Variants in CSNK1G1 observed in about 807,000 individuals in gnomAD.
CSNK1G1 encodes the protein casein kinase I isoform gamma-1.
CSNK1G1 carries 22 observed loss-of-function variants against 59.6 expected under a neutral mutation model. The ratio of observed to expected loss-of-function variants is 0.37; its 90% CI spans 0.26 to 0.53. The LOEUF is 0.53. Ranked by LOEUF, CSNK1G1 falls within the 20% of genes least tolerant of loss-of-function variation. The pLI, the probability that CSNK1G1 is intolerant of heterozygous loss-of-function variation, is 0.89. For missense variants in CSNK1G1, 384 were observed against 519.5 expected, an observed-to-expected ratio of 0.74 and a Z score of 2.54; for synonymous variants, 179 against 177.1, an observed-to-expected ratio of 1.01 and a Z score of -0.08.
At chr15:64,265,123 C>G (rs1892909383) in intron 2 of CSNK1G1, among the ~76,000 whole-genome samples, 1 of 152,114 alleles carries the variant, frequency 6.6e-6, no homozygotes, top group Non-Finnish European at 1.5e-5. Context: ...ATCCCAAAGA[C>G]TCCACCAAAA....
rs569361371 is a variant in CSNK1G1, at chr15:64,196,796, T to G, written c.1107+6286A>C. ...CTGCAAAAGACTGCTCTGTGTGTGT[T>G]TTTTTTTTTTAAACACCCCTCCCCT... is the stretch of plus-strand genomic sequence containing the variant. On this transcript the variant is annotated intron_variant, in intron 10 of 11. Coordinates refer to ENST00000303052, the MANE Select transcript of CSNK1G1 (RefSeq NM_022048.5). Among the ~76,000 whole-genome samples the G allele has an allele frequency of 2.7e-3, 361 of 134,010 alleles. 2 individuals are homozygous for G. The highest frequency in any genetic ancestry group is 0.012 in the African/African-American group (328 of 27,534). The allele number at this position is 134,010 out of a possible 152,430, so 87.9% of individuals were successfully genotyped here. A position where few individuals can be genotyped will look rare whatever the true frequency, so the allele number is the denominator to read the frequency against.
intron 10 of CSNK1G1, among the ~76,000 whole-genome samples, chr15:64,186,354 G>C (rs1306976746): frequency 6.6e-6 from 1 of 152,088 alleles, no homozygotes; most frequent in African/African-American, 2.4e-5. Flanking sequence ...CTTGTGATCT[G>C]CTCACCTCGG....
At position 64,216,587 on chromosome 15, in the gene CSNK1G1, G is replaced by A. The variant is rs2082314884; in HGVS notation, c.419C>T (p.Thr140Met). The A allele has an allele frequency of 4.3e-6, 7 of 1,613,834 alleles. No homozygotes were observed. The highest frequency in any genetic ancestry group is 5.9e-6 in the Non-Finnish European group (7 of 1,179,826). Reference protein sequence around the residue: ...DLCDRTFTLKTVLMIAIQLLS... With the variant: ...DLCDRTFTLKMVLMIAIQLLS... The stretch of plus-strand genomic sequence containing the variant: ...CAGCTGGATGGCTATCATTAACACC[G>A]TCTTCAAAGTAAATGTTCGGTCACA... Residue 140 changes from threonine to methionine, a missense_variant, in exon 5 of 12, where the codon ACG (threonine) becomes ATG (methionine). Thr to Met is a moderately conservative substitution (Grantham distance 81). Transcript: ENST00000303052. This position sits in a 1 kb window ranked among gnomAD's most constrained non-coding sequence, Gnocchi z 4.6.
chr15:64,210,925 G>C lies in CSNK1G1; in HGVS notation c.679+2965C>G, dbSNP rs1016493872. 2.0e-5 allele frequency among the ~76,000 whole-genome samples: 3 copies of C among 152,158 alleles called. No homozygotes were observed. Among genetic ancestry groups the C allele is most frequent in the Admixed American group, 6.6e-5 (1 of 15,264 alleles). ...CCAAGAAAGCAGGTTGGTGAGAAGA[G>C]CCTAGCACCCCCCTTCCCATGTGAT... On this transcript the variant is annotated intron_variant, in intron 6 of 11. Coordinates refer to ENST00000303052, the MANE Select transcript of CSNK1G1 (RefSeq NM_022048.5). This position sits in a 1 kb window ranked among gnomAD's most constrained non-coding sequence, Gnocchi z 4.2.
chr15:64,309,309 AACACACACACAC>A lies in CSNK1G1; in HGVS notation c.-224-8598_-224-8587del, dbSNP rs66467610. ...AAGTTCTCAAATACTTAGTGAATAA[AACACACACACAC>A]ACACACACACACACACACACACACA... is the stretch of plus-strand genomic sequence containing the variant. On this transcript the variant is annotated intron_variant, in intron 1 of 11. Transcript: ENST00000303052. Among the ~76,000 whole-genome samples, 1,170 of 145,874 alleles carry A rather than the reference AACACACACACAC, an allele frequency of 8.0e-3. 6 individuals carry two copies. Among genetic ancestry groups the A allele is most frequent in the Middle Eastern group, 0.018 (5 of 284 alleles).
chr15:64,185,294 G>C (rs961228356), intron 10 of CSNK1G1, among the ~76,000 whole-genome samples: 3 of 152,144 alleles, frequency 2.0e-5, no homozygotes, highest in African/African-American at 7.2e-5. Context: ...ATTACCTCTG[G>C]CAAGTGAGAC....
chr15:64,277,285 T>G (rs909814267), intron 2 of CSNK1G1, among the ~76,000 whole-genome samples: 1 of 151,736 alleles, frequency 6.6e-6, no homozygotes, highest in African/African-American at 2.4e-5. Context: ...GGCAACAAAG[T>G]GAGACTCTGC....
chr15:64,352,783 G>T (rs1196133493), intron 1 of CSNK1G1, among the ~76,000 whole-genome samples: 1 of 151,590 alleles, frequency 6.6e-6, no homozygotes, highest in Non-Finnish European at 1.5e-5. Flanking sequence ...ACATGGGGAA[G>T]AAATATATTT....
chr15:64,204,612 C>T lies in CSNK1G1; in HGVS notation c.851-23G>A, dbSNP rs541878493. 3 of 1,609,028 alleles carry T rather than the reference C, an allele frequency of 1.9e-6. No homozygotes were observed. The South Asian group carries it at 3.3e-5, about 18-fold the overall frequency. On this transcript the variant is annotated intron_variant, in intron 8 of 11. Transcript: ENST00000303052. ...CCTCTGTTAGGAAAGAGATGAAAGG[C>T]CCTGCTCATTAGCTGAATGCTTTCC...
At chr15:64,351,685 C>T (rs1036971083) in intron 1 of CSNK1G1, among the ~76,000 whole-genome samples, 2 of 152,138 alleles carry the variant, frequency 1.3e-5, no homozygotes, top group Non-Finnish European at 2.9e-5. Context: ...TCAAGACCAG[C>T]GTGGCCAACA....
intron 2 of CSNK1G1, among the ~76,000 whole-genome samples, chr15:64,272,369 C>CTAT (rs1893361851): frequency 6.6e-6 from 1 of 152,150 alleles, no homozygotes; most frequent in Admixed American, 6.6e-5. Flanking sequence ...GCGTCTGCCA[C>CTAT]TATGCCTGGC....
intron 1 of CSNK1G1, among the ~76,000 whole-genome samples, chr15:64,325,732 T>A (rs1896803266): frequency 1.3e-5 from 2 of 152,218 alleles, no homozygotes; most frequent in Non-Finnish European, 2.9e-5. Flanking sequence ...GACACTTCAC[T>A]TGGACTATCT....
At chr15:64,267,606 T>C (rs930118813) in intron 2 of CSNK1G1, among the ~76,000 whole-genome samples, 2 of 151,968 alleles carry the variant, frequency 1.3e-5, no homozygotes, top group African/African-American at 4.8e-5. Context: ...GAAACCACAA[T>C]GAGAAACCAC....
At chr15:64,353,953 T>C (rs1039641167) in intron 1 of CSNK1G1, among the ~76,000 whole-genome samples, 8 of 152,324 alleles carry the variant, frequency 5.3e-5, no homozygotes, top group Middle Eastern at 3.4e-3. Context: ...TAAGTTTTTC[T>C]AGTAGCATAA....
chr15:64,172,069 G>A, intron 11 of CSNK1G1, 84 bp from the exon 12 acceptor site: 1 of 1,327,036 alleles, frequency 7.5e-7, no homozygotes, highest in Non-Finnish European at 1.1e-6. Context: ...TACTGCAGGG[G>A]TGGAATTTTC....
At chr15:64,217,296 AAC>A (rs1225926597) in intron 4 of CSNK1G1, among the ~76,000 whole-genome samples, 1 of 152,200 alleles carries the variant, frequency 6.6e-6, no homozygotes, top group Non-Finnish European at 1.5e-5. Context: ...GAGAAAAGTC[AAC>A]AGACACTTAG....
At chr15:64,292,591 G>A (rs771384724) in intron 2 of CSNK1G1, among the ~76,000 whole-genome samples, 59 of 152,124 alleles carry the variant, frequency 3.9e-4, no homozygotes, top group Non-Finnish European at 7.6e-4. Flanking sequence ...AGTCTAACAG[G>A]TCTCCCATAA....
chr15:64,179,200 C>T (rs1213535617), intron 11 of CSNK1G1, among the ~76,000 whole-genome samples: 1 of 141,044 alleles, frequency 7.1e-6, no homozygotes, highest in African/African-American at 2.7e-5. Flanking sequence ...TAGCCATGAT[C>T]GTGCCACTGC....
In CSNK1G1 at chr15:64,165,952, C is replaced by G; in HGVS notation, c.*5979G>C. ...CAGAGAAGATTTTCCTAATGGTGCACAAATATCTCTCCTGGAGGAACCATT... is the reference window on the plus strand; with the variant it reads ...CAGAGAAGATTTTCCTAATGGTGCAGAAATATCTCTCCTGGAGGAACCATT... On this transcript the variant is annotated 3_prime_UTR_variant, in exon 12 of 12. Coordinates refer to ENST00000303052, the MANE Select transcript of CSNK1G1 (RefSeq NM_022048.5). The G allele has an allele frequency of 6.4e-6, 4 of 627,770 alleles. No individual in the cohort carries two copies. The African/African-American group carries it at 7.5e-5, about 12-fold the overall frequency. The allele number at this position is 627,770 out of a possible 1,614,324, so 38.9% of individuals were successfully genotyped here.
Sources: allele counts gnomAD v4.1 joint callset (sites outside exome capture counted in the v4.1 genomes callset), GRCh38; gene constraint gnomAD v4.1.1; non-coding constraint Gnocchi (gnomAD v3.1); transcripts MANE v1.5; gene names NCBI Gene and HGNC (gene_info 2026-07-23, HGNC 2026-07-21).